The following KDM5A variants were observed in gnomAD, a reference collection of about 807,000 sequenced individuals.
KDM5A encodes the protein lysine demethylase 5A, also known as lysine-specific demethylase 5A.
In KDM5A, 42 loss-of-function variants were observed where a neutral mutation model predicts 193.5. That is an observed-to-expected ratio of 0.22 (90% CI 0.17 to 0.28). The LOEUF (loss-of-function observed/expected upper bound fraction) is 0.28, where lower values mean the gene tolerates loss of function less well. Among genes scored for constraint, KDM5A ranks in the 10% least tolerant of loss-of-function variants. The pLI, the probability that KDM5A is intolerant of heterozygous loss-of-function variation, is 1.00. For synonymous variants in KDM5A, 796 were observed against 718.1 expected (o/e 1.11, Z -1.73); for missense variants, 1,692 against 2,055.1 (o/e 0.82, Z 3.42).
At position 353,939 on chromosome 12, in the gene KDM5A, C is replaced by T. The variant is rs1014187833; in HGVS notation, c.1029+137G>A. The T allele has an allele frequency of 2.0e-5, 12 of 588,592 alleles. No homozygotes were observed. In the African/African-American group the frequency reaches 2.0e-4, roughly 10 times the overall value. 36.5% of individuals were successfully genotyped at this position (588,592 alleles called of 1,614,324 possible). A position where few individuals can be genotyped will look rare whatever the true frequency, so the allele number is the denominator to read the frequency against. On this transcript the variant is annotated intron_variant, in intron 8 of 27. Transcript: ENST00000399788. ...CCATCTCAAAAAAAAAAAAAAAAGT[C>T]CTGGAAATTTTAAACACTACATAAT...
Position 318,459 on chromosome 12 carries a change from A to G in KDM5A, c.2544T>C (p.Asn848=). 1 of 1,609,004 alleles carries G rather than the reference A, an allele frequency of 6.2e-7. No individual in the cohort carries two copies. Among genetic ancestry groups the G allele is most frequent in the Non-Finnish European group, 8.5e-7 (1 of 1,175,270 alleles). Reference sequence around the variant, plus strand: ...GAAACTCTTCCACATCATCTAGCAGATTCTGAAAAGGTCAAAAGAAATAAA... The same window carrying G: ...GAAACTCTTCCACATCATCTAGCAGGTTCTGAAAAGGTCAAAAGAAATAAA... The part of the protein sequence containing the change: ...CVISQARQVK[N]LLDDVEEFHE... The change falls in exon 19 of 28, where the codon AAT becomes AAC. Residue 848 remains asparagine, a splice_region_variant and synonymous_variant. Coordinates refer to ENST00000399788, the MANE Select transcript of KDM5A (RefSeq NM_001042603.3).
chr12:292,401 T>C (rs1943306986), intron 27 of KDM5A, among the ~76,000 whole-genome samples: 1 of 152,202 alleles, frequency 6.6e-6, no homozygotes, highest in Non-Finnish European at 1.5e-5. Flanking sequence ...CCATTGTGAC[T>C]ATCCGACAAG....
At chr12:305,432 TA>T (rs975828613) in intron 24 of KDM5A, among the ~76,000 whole-genome samples, 4 of 152,146 alleles carry the variant, frequency 2.6e-5, no homozygotes, top group African/African-American at 7.2e-5. Flanking sequence ...GTTTTAATTT[TA>T]TATCCTAGGA....
intron 10 of KDM5A, among the ~76,000 whole-genome samples, chr12:337,440 C>G (rs1169757563): frequency 1.3e-5 from 2 of 152,020 alleles, no homozygotes; most frequent in African/African-American, 4.8e-5. Flanking sequence ...AGGTAAATTA[C>G]AGAGAGAATA....
chr12:339,781 T>C (rs1165763874), intron 10 of KDM5A, among the ~76,000 whole-genome samples: 1 of 151,852 alleles, frequency 6.6e-6, no homozygotes, highest in Non-Finnish European at 1.5e-5. Context: ...ATGATTCTCA[T>C]CTCCTGAAAT....
chr12:300,668 A>C (rs1314091561), intron 24 of KDM5A, among the ~76,000 whole-genome samples: 2 of 152,236 alleles, frequency 1.3e-5, no homozygotes, highest in Admixed American at 1.3e-4. Flanking sequence ...GAAGGCAAGA[A>C]ATAACTAAGA....
intron 24 of KDM5A, among the ~76,000 whole-genome samples, chr12:305,359 C>T (rs1024308636): frequency 6.6e-6 from 1 of 152,074 alleles, no homozygotes; most frequent in Non-Finnish European, 1.5e-5. Context: ...CTGAAAATTC[C>T]CATTTCTATC....
intron 15 of KDM5A, 115 bp from the exon 16 acceptor site, chr12:323,321 T>C (rs953435573): frequency 6.4e-6 from 8 of 1,243,728 alleles, no homozygotes; most frequent in Non-Finnish European, 8.8e-6. Context: ...GAAAATACAA[T>C]GGCCAAGGGA....
intron 4 of KDM5A, among the ~76,000 whole-genome samples, chr12:364,622 A>G (rs1008481390): frequency 2.6e-5 from 4 of 151,908 alleles, no homozygotes; most frequent in African/African-American, 9.7e-5. Flanking sequence ...CGTCTCTACT[A>G]AAAATACAAA....
At chr12:294,679 T>A (rs1943347101) in intron 26 of KDM5A, among the ~76,000 whole-genome samples, 1 of 152,142 alleles carries the variant, frequency 6.6e-6, no homozygotes, top group South Asian at 2.1e-4. Flanking sequence ...CACCATTCCA[T>A]TACATGGAAA....
chr12:367,109 T>C (rs1944366132), intron 3 of KDM5A, among the ~76,000 whole-genome samples: 2 of 152,236 alleles, frequency 1.3e-5, no homozygotes, highest in Admixed American at 6.5e-5. Context: ...GAAATCCTCA[T>C]GTTTTTCAGA....
rs925768834 is a variant in KDM5A at position 314,222 on chromosome 12, G to A, written c.2898-1028C>T. ...GAAACCTTTCATTTATTTCTTTTTT[G>A]AGTCTCGGGGTCACCCAGGCTGAAG... On this transcript the variant is annotated intron_variant, in intron 19 of 27. Coordinates refer to ENST00000399788, the MANE Select transcript of KDM5A (RefSeq NM_001042603.3). 2.6e-5 allele frequency among the ~76,000 whole-genome samples: 4 copies of A among 152,076 alleles called. No homozygotes were observed. In the East Asian group the frequency reaches 7.7e-4, roughly 29 times the overall value.
In KDM5A at chr12:307,560, T is replaced by C. The variant is rs1021387076; in HGVS notation, c.3824A>G (p.Lys1275Arg). 1 of 1,614,050 alleles carries C rather than the reference T, an allele frequency of 6.2e-7. No individual in the cohort carries two copies. The highest frequency in any genetic ancestry group is 1.3e-5 in the African/African-American group (1 of 74,922). Residue 1275 changes from lysine (K) to arginine (R), a missense_variant, in exon 23 of 28, where the codon AAA (lysine) becomes AGA (arginine). Coordinates refer to ENST00000399788, the MANE Select transcript of KDM5A (RefSeq NM_001042603.3). This position sits in a 1 kb window ranked among gnomAD's most constrained non-coding sequence, Gnocchi z 4.3. ...ATDELSSALA[K>R]LSVLSQRMVE... ...CATACGCTGGCTCAACACAGATAGT[T>C]TGGCCAGGGCAGAGGATAGTTCATC...
Position 389,178 on chromosome 12 carries a change from T to C in KDM5A, c.-87A>G, listed in dbSNP as rs770391081. 9 of 1,263,386 alleles carry C rather than the reference T, an allele frequency of 7.1e-6. No individual in the cohort carries two copies. The African/African-American group carries it at 1.0e-4, about 14-fold the overall frequency. The allele number at this position is 1,263,386 out of a possible 1,614,324, so 78.3% of individuals were successfully genotyped here. A position where few individuals can be genotyped will look rare whatever the true frequency, so the allele number is the denominator to read the frequency against. On this transcript the variant is annotated 5_prime_UTR_variant, in exon 1 of 28. Coordinates refer to ENST00000399788, the MANE Select transcript of KDM5A (RefSeq NM_001042603.3). ...GCCCACTAAGCCCGTTCAAGTCCCC[T>C]GACAGAGGCCGAAGCGCATCTTCGC... is the stretch of plus-strand genomic sequence containing the variant.
intron 5 of KDM5A, among the ~76,000 whole-genome samples, chr12:361,166 G>C (rs1309696281): frequency 6.6e-6 from 1 of 151,930 alleles, no homozygotes; most frequent in Non-Finnish European, 1.5e-5. Flanking sequence ...CTATCACAAA[G>C]GGTAAAAGCA....
At chr12:295,858 A>G in intron 25 of KDM5A, 65 bp from the exon 26 acceptor site, 1 of 1,444,268 alleles carries the variant, frequency 6.9e-7, no homozygotes, top group Non-Finnish European at 9.7e-7. Context: ...ACATGTTTTC[A>G]AAGCAAATAT....
At chr12:375,926 A>T (rs180693380) in intron 3 of KDM5A, among the ~76,000 whole-genome samples, 7 of 152,252 alleles carry the variant, frequency 4.6e-5, no homozygotes, top group Admixed American at 3.9e-4. Flanking sequence ...TTGCTGCCTG[A>T]TCCTTCCTCT....
Position 285,707 on chromosome 12 carries a change from A to G in KDM5A, c.4867-45T>C, listed in dbSNP as rs1412227916. ...GGAATGTTTAGGTTACATAAACATT[A>G]AGCCTAGAATAAAAGCAAACCAAAG... On this transcript the variant is annotated intron_variant, in intron 27 of 27. Coordinates refer to ENST00000399788, the MANE Select transcript of KDM5A (RefSeq NM_001042603.3). 3 of 1,547,754 alleles carry G rather than the reference A, an allele frequency of 1.9e-6. No homozygotes were observed. The African/African-American group carries it at 4.1e-5, about 21-fold the overall frequency.
intron 17 of KDM5A, chr12:322,154 C>A: frequency 2.3e-6 from 1 of 440,718 alleles, no homozygotes; most frequent in Admixed American, 3.7e-5. Flanking sequence ...AAGAGAACTC[C>A]AAGCAGAGTA....
Sources: gnomAD v4.1 joint callset for allele counts (sites outside exome capture counted in the v4.1 genomes callset) on GRCh38, gnomAD v4.1.1 for gene constraint, Gnocchi (gnomAD v3.1) non-coding constraint, MANE v1.5 for transcripts, NCBI Gene and HGNC (gene_info 2026-07-23, HGNC 2026-07-21) for gene names.